TRIM49C: variants seen among roughly 807,000 people sequenced by gnomAD.
TRIM49C encodes tripartite motif-containing protein 49C.
TRIM49C carries 6 observed loss-of-function variants against 21.4 expected under a neutral mutation model. The observed-to-expected ratio is 0.28, with a 90% CI of 0.15 to 0.55. TRIM49C has a LOEUF of 0.55. TRIM49C is among the 20% of genes least tolerant of loss of function. TRIM49C has a pLI of 0.94. For synonymous variants in TRIM49C, 57 were observed against 148.1 expected (o/e 0.38, Z 4.47); for missense variants, 161 against 442.4 (o/e 0.36, Z 5.71).
the TRIM49C span, among the ~76,000 whole-genome samples, chr11:90,067,770 G>T: frequency 1.4e-5 from 2 of 138,932 alleles, no homozygotes; most frequent in African/African-American, 2.6e-5. Flanking sequence ...AAGGAAAGAA[G>T]ATATTAAGAA....
chr11:90,064,049 T>C, the TRIM49C span, among the ~76,000 whole-genome samples: 2 of 133,888 alleles, frequency 1.5e-5, no homozygotes, highest in African/African-American at 5.6e-5. Context: ...AGACACTTAG[T>C]ATCTATGGTA....
At chr11:90,055,896 C>G in the TRIM49C span, among the ~76,000 whole-genome samples, 2 of 138,706 alleles carry the variant, frequency 1.4e-5, 1 homozygote, top group Non-Finnish European at 3.2e-5. Context: ...AAGCCGGTGC[C>G]CTAGGAGATG....
the TRIM49C span, chr11:90,063,036 T>A: frequency 7.1e-7 from 1 of 1,413,804 alleles, no homozygotes; most frequent in Non-Finnish European, 9.3e-7. Flanking sequence ...AGAATTTCTT[T>A]CTCTTATTTT....
chr11:90,073,254 G>A, the TRIM49C span: 20 of 1,045,742 alleles, frequency 1.9e-5, 4 homozygotes, highest in African/African-American at 3.2e-5. Context: ...CCTCTGGTCC[G>A]AGTTGGTGTG....
At chr11:90,039,641 A>G (rs72954731) in intron 6 of TRIM49C, among the ~76,000 whole-genome samples, 6 of 123,528 alleles carry the variant, frequency 4.9e-5, no homozygotes, top group Admixed American at 9.1e-5. Context: ...ACACATTTGG[A>G]GCAAAAAAAA....
Position 90,033,678 on chromosome 11 carries a change from G to A in TRIM49C, c.-5+1096G>A, listed in dbSNP as rs1158337630. Among the ~76,000 whole-genome samples, 9 of 135,106 alleles carry A rather than the reference G, an allele frequency of 6.7e-5. 2 individuals carry two copies. Among genetic ancestry groups the A allele is most frequent in the South Asian group, 2.5e-4 (1 of 3,982 alleles). The allele number at this position is 135,106 out of a possible 152,430, so 88.6% of individuals were successfully genotyped here. On this transcript the variant is annotated intron_variant, in intron 2 of 7. Transcript: ENST00000448984. Reference sequence around the variant, plus strand: ...AAACCGCCTGGCTGGGCACTGTGGCGCGTGCCTATAATCCCAGCACTTTGC... The same window carrying A: ...AAACCGCCTGGCTGGGCACTGTGGCACGTGCCTATAATCCCAGCACTTTGC...
chr11:90,040,922 A>G, intron 7 of TRIM49C, 129 bp from the exon 8 acceptor site: 4 of 1,372,324 alleles, frequency 2.9e-6, no homozygotes, highest in Non-Finnish European at 3.8e-6. Context: ...TCTATACTTT[A>G]CTAGAAGTTA....
the TRIM49C span, among the ~76,000 whole-genome samples, chr11:90,069,914 G>C: frequency 8.6e-6 from 1 of 116,148 alleles, no homozygotes; most frequent in East Asian, 2.5e-4. Context: ...TCAGAGGAGG[G>C]GAGAATGTCT....
At chr11:90,049,009 G>C in the TRIM49C span, among the ~76,000 whole-genome samples, 2 of 127,504 alleles carry the variant, frequency 1.6e-5, 1 homozygote, top group African/African-American at 6.3e-5. Context: ...CTGCAGGTCT[G>C]GTGGAGTTTG....
chr11:90,069,271 AT>A, the TRIM49C span, among the ~76,000 whole-genome samples: 8,618 of 115,022 alleles, frequency 0.075, 476 homozygotes, highest in Middle Eastern at 0.11. Context: ...CGCCCAGCTA[AT>A]TTTTTTTTTT....
At position 90,031,251 on chromosome 11, in the gene TRIM49C, C is replaced by G. The variant is rs1950685598; in HGVS notation, c.-191+7C>G. The G allele has an allele frequency of 7.4e-6, 1 of 134,648 alleles. No individual in the cohort carries two copies. Among genetic ancestry groups the G allele is most frequent in the Non-Finnish European group, 1.6e-5 (1 of 62,176 alleles). 8.3% of individuals were successfully genotyped at this position (134,648 alleles called of 1,614,324 possible). The stretch of plus-strand genomic sequence containing the variant: ...AAGCAGCCCCCACAATTGGGTAAGT[C>G]AAGTCTTTGCACTTAATTCATATGT... On this transcript the variant is annotated splice_region_variant and intron_variant, in intron 1 of 7. Coordinates refer to ENST00000448984, the MANE Select transcript of TRIM49C (RefSeq NM_001195234.1).
the TRIM49C span, among the ~76,000 whole-genome samples, chr11:90,047,927 T>C: frequency 8.3e-6 from 1 of 121,076 alleles, no homozygotes; most frequent in Non-Finnish European, 1.7e-5. Context: ...TTTCCATGTT[T>C]AGTGCTTCCT....
the TRIM49C span, among the ~76,000 whole-genome samples, chr11:90,055,635 G>C: frequency 1.6e-3 from 245 of 148,876 alleles, no homozygotes; most frequent in African/African-American, 5.9e-3. Flanking sequence ...CCTATAGGAT[G>C]GGAATAAATG....
At chr11:90,067,551 A>G in the TRIM49C span, among the ~76,000 whole-genome samples, 1 of 144,702 alleles carries the variant, frequency 6.9e-6, no homozygotes, top group Non-Finnish European at 1.5e-5. Context: ...ATAATATTTA[A>G]TAAACCTAGA....
In TRIM49C at chr11:90,041,383, A is replaced by G. The variant is rs1321647012; in HGVS notation, c.1192A>G (p.Met398Val). ...QCSLFTTSPL[M>V]LQYIPKPTSR... Reference sequence around the variant, plus strand: ...CAGTCTCTTTACCACCTCCCCACTTATGCTGCAATATATCCCAAAACCTAC... The same window carrying G: ...CAGTCTCTTTACCACCTCCCCACTTGTGCTGCAATATATCCCAAAACCTAC... Residue 398 changes from methionine (M) to valine (V), a missense_variant, in exon 8 of 8, where the codon ATG becomes GTG. By Grantham distance (21) the Met-to-Val change is conservative. This residue lies in a region of TRIM49C where 63 missense variants were observed against 67.6 expected (regional missense o/e 0.93). Transcript: ENST00000448984. The G allele has an allele frequency of 1.3e-6, 2 of 1,587,492 alleles. No homozygotes were observed. The highest frequency in any genetic ancestry group is 1.1e-5 in the South Asian group (1 of 88,254).
the TRIM49C span, among the ~76,000 whole-genome samples, chr11:90,048,637 C>G: frequency 7.4e-6 from 1 of 134,472 alleles, no homozygotes; most frequent in African/African-American, 2.9e-5. Flanking sequence ...AAGGACTTCT[C>G]TACCTTGGTT....
At chr11:90,072,294 A>G in the TRIM49C span, among the ~76,000 whole-genome samples, 2 of 148,420 alleles carry the variant, frequency 1.3e-5, no homozygotes, top group East Asian at 2.0e-4. Context: ...GTGAACAATA[A>G]GAACGTGATT....
Position 90,035,423 on chromosome 11 carries a change from A to G in TRIM49C, c.212A>G (p.Lys71Arg), listed in dbSNP as rs745546443. Residue 71 changes from lysine (K) to arginine (R), a missense_variant, in exon 3 of 8, where the codon AAG (lysine) becomes AGG (arginine). Physicochemically the swap from Lys to Arg is conservative, Grantham distance 26. Around this residue, in one of 3 missense-constraint regions of TRIM49C, gnomAD observed 80 missense variants for 314.8 expected, o/e 0.25. Transcript: ENST00000448984. ...QINLKTNIHL[K>R]KMASLARKVS... Reference sequence around the variant, plus strand: ...AACCTCAAAACCAACATTCATTTGAAGAAGATGGCTTCTCTTGCCAGAAAA... The same window carrying G: ...AACCTCAAAACCAACATTCATTTGAGGAAGATGGCTTCTCTTGCCAGAAAA... 143 of 1,496,138 alleles carry G rather than the reference A, an allele frequency of 9.6e-5. 34 individuals are homozygous for G. The highest frequency in any genetic ancestry group is 1.2e-4 in the Non-Finnish European group (131 of 1,109,936). 92.7% of individuals were successfully genotyped at this position (1,496,138 alleles called of 1,614,324 possible). A position where few individuals can be genotyped will look rare whatever the true frequency, so the allele number is the denominator to read the frequency against.
At chr11:90,043,157 GCA>G (rs1370742217), downstream of TRIM49C, among the ~76,000 whole-genome samples, 1 of 143,856 alleles carries the variant, frequency 7.0e-6, no homozygotes, top group African/African-American at 2.5e-5. Context: ...AGGCATGGTG[GCA>G]CACACCTCCA....
Sources: gnomAD v4.1 joint callset for allele counts (sites outside exome capture counted in the v4.1 genomes callset) on GRCh38, gnomAD v4.1.1 for gene constraint, gnomAD v4.1.1 regional missense constraint, MANE v1.5 for transcripts, NCBI Gene and HGNC (gene_info 2026-07-23, HGNC 2026-07-21) for gene names.